Variants in SLC12A2 observed in about 807,000 individuals in gnomAD.
SLC12A2 encodes the protein solute carrier family 12 member 2.
A neutral mutation model predicts 136.3 loss-of-function variants in SLC12A2; 67 were observed. The ratio of observed to expected loss-of-function variants is 0.49; its 90% CI spans 0.40 to 0.60. The LOEUF is 0.60. Ranked by LOEUF, SLC12A2 falls within the 20% of genes least tolerant of loss-of-function variation. The pLI is 0.00. For synonymous variants in SLC12A2, 619 were observed against 562.9 expected, an observed-to-expected ratio of 1.10 and a Z score of -1.41; for missense variants, 1,322 against 1,534.7, an observed-to-expected ratio of 0.86 and a Z score of 2.32.
intron 7 of SLC12A2, among the ~76,000 whole-genome samples, chr5:128,137,710 G>T (rs10519974): frequency 0.14 from 21,971 of 152,010 alleles, 1,854 homozygotes; most frequent in East Asian, 0.25. Flanking sequence ...ACAGTTAGTC[G>T]GTTATCTTAG....
At position 128,131,128 on chromosome 5, in the gene SLC12A2, A is replaced by G. The variant is rs745437155; in HGVS notation, c.1110A>G (p.Leu370=). ...CAGAATTTGGTGGTGCAATTGGTCT[A>G]ATCTTCGCCTTTGCCAACGCTGTTG... The part of the protein sequence containing the change: ...LGPEFGGAIG[L]IFAFANAVAV... Residue 370 remains leucine, a synonymous_variant, in exon 5 of 27, where the codon CTA becomes CTG. Transcript: ENST00000262461. 28 of 1,614,076 alleles carry G rather than the reference A, an allele frequency of 1.7e-5. No individual in the cohort carries two copies. Among genetic ancestry groups the G allele is most frequent in the Non-Finnish European group, 2.3e-5 (27 of 1,179,938 alleles).
intron 1 of SLC12A2, among the ~76,000 whole-genome samples, chr5:128,085,217 T>G (rs551608584): frequency 5.9e-5 from 9 of 152,242 alleles, no homozygotes; most frequent in Non-Finnish European, 1.3e-4. Context: ...CTATGAGTTA[T>G]TAAAGCTCAA....
At chr5:128,098,474 C>CTTGTTTTTT (rs887767263) in intron 1 of SLC12A2, among the ~76,000 whole-genome samples, 85 of 109,214 alleles carry the variant, frequency 7.8e-4, no homozygotes, top group African/African-American at 2.4e-3. Context: ...CTAATGACTG[C>CTTGTTTTTT]TTGTTTTTTT....
At chr5:128,119,662 TC>T (rs1375106957) in intron 4 of SLC12A2, among the ~76,000 whole-genome samples, 7 of 152,180 alleles carry the variant, frequency 4.6e-5, no homozygotes, top group Non-Finnish European at 8.8e-5. Flanking sequence ...GTGTGATGCC[TC>T]CAGCTTTGTT....
chr5:128,097,387 A>C (rs1760583467), intron 1 of SLC12A2, among the ~76,000 whole-genome samples: 1 of 152,050 alleles, frequency 6.6e-6, no homozygotes, highest in Non-Finnish European at 1.5e-5. Context: ...TATAGTTATA[A>C]TACTTTAAAG....
At chr5:128,140,800 C>A (rs1218388254) in intron 9 of SLC12A2, among the ~76,000 whole-genome samples, 1 of 151,890 alleles carries the variant, frequency 6.6e-6, no homozygotes, top group Non-Finnish European at 1.5e-5. Flanking sequence ...TATTCTCCCC[C>A]CATTCCCCAG....
rs1389008794 is a variant in SLC12A2 at position 128,147,177 on chromosome 5, TTG to T, written c.1774-442_1774-441del. On this transcript the variant is annotated intron_variant, in intron 10 of 26. Coordinates refer to ENST00000262461, the MANE Select transcript of SLC12A2 (RefSeq NM_001046.3). ...GAATTTGAATGCTGACTTGCCTTTTTTGTGGTACTGTTAAGCAATTATTAAGT... is the reference window on the plus strand; with the variant it reads ...GAATTTGAATGCTGACTTGCCTTTTTTGGTACTGTTAAGCAATTATTAAGT... 4.0e-5 allele frequency among the ~76,000 whole-genome samples: 6 copies of T among 151,654 alleles called. No individual in the cohort carries two copies. In the East Asian group the frequency reaches 9.6e-4, roughly 24 times the overall value.
intron 1 of SLC12A2, chr5:128,109,754 T>A: frequency 3.2e-6 from 3 of 933,284 alleles, no homozygotes; most frequent in Non-Finnish European, 5.3e-6. Flanking sequence ...GGTTTTAGAC[T>A]AAAAGGATGG....
chr5:128,185,636 C>T (rs1763843244), intron 26 of SLC12A2, among the ~76,000 whole-genome samples: 1 of 152,112 alleles, frequency 6.6e-6, no homozygotes, highest in Non-Finnish European at 1.5e-5. Flanking sequence ...TCACTGCTGC[C>T]ACCATCCATA....
chr5:128,150,638 T>A (rs4836368), intron 13 of SLC12A2, among the ~76,000 whole-genome samples: 51,989 of 151,348 alleles, frequency 0.34, 11,473 homozygotes, highest in African/African-American at 0.62. Context: ...ATTATTTTTT[T>A]AAAATAATTT....
At chr5:128,125,310 A>G (rs1372100155) in intron 4 of SLC12A2, among the ~76,000 whole-genome samples, 2 of 152,178 alleles carry the variant, frequency 1.3e-5, no homozygotes, top group Admixed American at 1.3e-4. Flanking sequence ...GAAGTTTAGT[A>G]CCAGGATTCT....
intron 18 of SLC12A2, 72 bp from the exon 19 acceptor site, chr5:128,171,595 T>C: frequency 1.1e-6 from 1 of 933,450 alleles, no homozygotes; most frequent in Non-Finnish European, 1.7e-6. Context: ...CTATTATTTA[T>C]TTTAAAGAGG....
At chr5:128,098,347 T>G (rs1760617416) in intron 1 of SLC12A2, among the ~76,000 whole-genome samples, 1 of 152,124 alleles carries the variant, frequency 6.6e-6, no homozygotes, top group African/African-American at 2.4e-5. Context: ...TCTATTAGAT[T>G]CCATCTCTGT....
chr5:128,099,492 A>G (rs1231805386), intron 1 of SLC12A2, among the ~76,000 whole-genome samples: 1 of 152,190 alleles, frequency 6.6e-6, no homozygotes, highest in Non-Finnish European at 1.5e-5. Context: ...CATTAAATTT[A>G]TTTAAAAAAT....
chr5:128,099,009 A>T (rs1368272459), intron 1 of SLC12A2, among the ~76,000 whole-genome samples: 5 of 152,176 alleles, frequency 3.3e-5, no homozygotes, highest in Non-Finnish European at 7.4e-5. Context: ...AAAGTCAGGG[A>T]TCTGACAAAA....
intron 1 of SLC12A2, among the ~76,000 whole-genome samples, chr5:128,096,692 A>G (rs963204172): frequency 3.9e-5 from 6 of 152,090 alleles, no homozygotes. Flanking sequence ...AAATTTCTAG[A>G]GATTTGCCTA....
chr5:128,148,608 G>T, intron 11 of SLC12A2, 146 bp from the exon 12 acceptor site: 2 of 530,756 alleles, frequency 3.8e-6, no homozygotes, highest in Non-Finnish European at 6.3e-6. Context: ...TTTACATTTT[G>T]TAGGTGAAGC....
chr5:128,099,246 C>T (rs1035499554), intron 1 of SLC12A2, among the ~76,000 whole-genome samples: 2 of 152,064 alleles, frequency 1.3e-5, no homozygotes, highest in South Asian at 4.1e-4. Flanking sequence ...TTCTAGGCTA[C>T]AAATCTGTAC....
At chr5:128,089,510 G>C (rs539748338) in intron 1 of SLC12A2, among the ~76,000 whole-genome samples, 1 of 152,256 alleles carries the variant, frequency 6.6e-6, no homozygotes, top group African/African-American at 2.4e-5. Flanking sequence ...CTATCCCTTA[G>C]ACCTGTTCTA....
Sources: gnomAD v4.1 joint callset for allele counts (sites outside exome capture counted in the v4.1 genomes callset) on GRCh38, gnomAD v4.1.1 for gene constraint, MANE v1.5 for transcripts, NCBI Gene and HGNC (gene_info 2026-07-23, HGNC 2026-07-21) for gene names.